UNC5D: variants seen among roughly 807,000 people sequenced by gnomAD.
UNC5D encodes netrin receptor UNC5D.
UNC5D carries 39 observed loss-of-function variants against 105.4 expected under a neutral mutation model. That is an observed-to-expected ratio of 0.37 (90% CI 0.29 to 0.48). UNC5D has a LOEUF of 0.48. UNC5D is among the 20% of genes least tolerant of loss of function. The probability of loss-of-function intolerance (pLI) is 0.98; values close to 1 mark genes in which losing one functional copy is unlikely to be tolerated. For missense variants in UNC5D, 991 were observed against 1,202.4 expected (o/e 0.82, Z 2.60); for synonymous variants, 452 against 450.4 (o/e 1.00, Z -0.04).
At chr8:35,238,230 G>A (rs759208565) in intron 1 of UNC5D, among the ~76,000 whole-genome samples, 6 of 152,066 alleles carry the variant, frequency 3.9e-5, no homozygotes, top group Non-Finnish European at 8.8e-5. Context: ...CAAAATGATT[G>A]CACCAACTTT....
rs528965045 is a variant in UNC5D, at chr8:35,407,813, A to T, written c.104-141479A>T. Among the ~76,000 whole-genome samples the T allele has an allele frequency of 2.6e-5, 4 of 152,194 alleles. No homozygotes were observed. In the South Asian group the frequency reaches 8.3e-4, roughly 32 times the overall value. On this transcript the variant is annotated intron_variant, in intron 1 of 16. Transcript: ENST00000404895. ...GTATTTGGTTTTCTGTTTCTGTGTT[A>T]GTTTGCTAAGGATAATGGCCTCCAA...
chr8:35,401,421 T>A (rs1804453978), intron 1 of UNC5D, among the ~76,000 whole-genome samples: 1 of 152,070 alleles, frequency 6.6e-6, no homozygotes, highest in South Asian at 2.1e-4. Context: ...GTGGCAGAGG[T>A]TGCAGTGAGC....
intron 7 of UNC5D, among the ~76,000 whole-genome samples, chr8:35,688,707 T>A (rs889051049): frequency 6.6e-6 from 1 of 152,248 alleles, no homozygotes; most frequent in African/African-American, 2.4e-5. Context: ...TAAAGAAATG[T>A]GCTTCTCACC....
intron 1 of UNC5D, among the ~76,000 whole-genome samples, chr8:35,460,352 C>T (rs1450977176): frequency 6.6e-6 from 1 of 152,092 alleles, no homozygotes; most frequent in Non-Finnish European, 1.5e-5. Flanking sequence ...GTGGAGCCAA[C>T]TCAGGAATCC....
At position 35,549,486 on chromosome 8, in the gene UNC5D, G is replaced by A. The variant is rs755306874; in HGVS notation, c.298G>A (p.Glu100Lys). The A allele has an allele frequency of 2.5e-6, 4 of 1,612,088 alleles. No homozygotes were observed. Among genetic ancestry groups the A allele is most frequent in the Non-Finnish European group, 2.5e-6 (3 of 1,179,850 alleles). Residue 100 changes from glutamate to lysine, a missense_variant, in exon 2 of 17, where the codon GAA becomes AAA. By Grantham distance (56) the Glu-to-Lys change is moderately conservative. Transcript: ENST00000404895. ...GGTCCATCAGAACGAGCACGTCTCT[G>A]AAGAGACTCTGGACGAGAGCTCAGG... ...EWVHQNEHVS[E>K]ETLDESSGLK...
intron 1 of UNC5D, among the ~76,000 whole-genome samples, chr8:35,492,012 G>A: frequency 6.6e-6 from 1 of 151,972 alleles, no homozygotes; most frequent in East Asian, 1.9e-4. Context: ...TTTGCATGGA[G>A]CAGTTCTCCA....
chr8:35,265,901 A>ATC (rs1563262455), intron 1 of UNC5D, among the ~76,000 whole-genome samples: 1 of 148,106 alleles, frequency 6.8e-6, no homozygotes, highest in African/African-American at 2.5e-5. Flanking sequence ...TAATAATAAT[A>ATC]ATAATATATC....
chr8:35,473,281 A>T (rs1014798949), intron 1 of UNC5D, among the ~76,000 whole-genome samples: 1 of 152,170 alleles, frequency 6.6e-6, no homozygotes, highest in African/African-American at 2.4e-5. Flanking sequence ...AGAGACAGTT[A>T]AAAAAGGCTA....
At chr8:35,446,836 T>TA (rs1471402363) in intron 1 of UNC5D, among the ~76,000 whole-genome samples, 1 of 152,146 alleles carries the variant, frequency 6.6e-6, no homozygotes, top group Non-Finnish European at 1.5e-5. Flanking sequence ...ACTCCTTCCC[T>TA]AACAGAATCT....
At chr8:35,307,102 T>G (rs1280062572) in intron 1 of UNC5D, among the ~76,000 whole-genome samples, 1 of 143,956 alleles carries the variant, frequency 6.9e-6, no homozygotes, top group Non-Finnish European at 1.5e-5. Flanking sequence ...ACACTACTGA[T>G]AGCTGATGAG....
intron 11 of UNC5D, among the ~76,000 whole-genome samples, chr8:35,744,936 C>G (rs1407169956): frequency 6.6e-6 from 1 of 151,962 alleles, no homozygotes. Flanking sequence ...GCCTATAATC[C>G]CAGCTACTTG....
intron 1 of UNC5D, among the ~76,000 whole-genome samples, chr8:35,503,158 G>T (rs987893199): frequency 6.6e-6 from 1 of 152,194 alleles, no homozygotes; most frequent in Non-Finnish European, 1.5e-5. Context: ...GGGACTCAAA[G>T]TGTGTGGCTG....
chr8:35,539,157 T>A lies in UNC5D; in HGVS notation c.104-10135T>A, dbSNP rs1022866882. Among the ~76,000 whole-genome samples the A allele has an allele frequency of 2.0e-5, 3 of 152,240 alleles. No homozygotes were observed. In the South Asian group the frequency reaches 6.2e-4, roughly 32 times the overall value. ...TACAAATATATGTGTGTTCTATGTA[T>A]ACAAAACCAAAATATTAAGTATACA... On this transcript the variant is annotated intron_variant, in intron 1 of 16. Transcript: ENST00000404895.
intron 1 of UNC5D, among the ~76,000 whole-genome samples, chr8:35,274,422 A>G (rs1251143347): frequency 6.6e-6 from 1 of 152,194 alleles, no homozygotes; most frequent in Non-Finnish European, 1.5e-5. Context: ...GCCAGATTGT[A>G]TTTGTAACCT....
chr8:35,597,560 G>A (rs905371296), intron 4 of UNC5D, among the ~76,000 whole-genome samples: 1 of 152,152 alleles, frequency 6.6e-6, no homozygotes, highest in African/African-American at 2.4e-5. Flanking sequence ...AGCTGTGTGA[G>A]TGTCCCCTGG....
At chr8:35,439,228 T>TG (rs1807237524) in intron 1 of UNC5D, among the ~76,000 whole-genome samples, 1 of 152,016 alleles carries the variant, frequency 6.6e-6, no homozygotes, top group Non-Finnish European at 1.5e-5. Context: ...TGTCTGTGTA[T>TG]GATGCCTGCA....
At chr8:35,741,424 G>A (rs1377721150) in intron 11 of UNC5D, among the ~76,000 whole-genome samples, 2 of 151,612 alleles carry the variant, frequency 1.3e-5, no homozygotes, top group Non-Finnish European at 1.5e-5. Flanking sequence ...ACATCCATAT[G>A]CTTCTATCCT....
chr8:35,270,538 A>G (rs1051532484), intron 1 of UNC5D, among the ~76,000 whole-genome samples: 1 of 152,204 alleles, frequency 6.6e-6, no homozygotes, highest in African/African-American at 2.4e-5. Context: ...TTAATAAACA[A>G]TAATGATAAT....
In UNC5D at chr8:35,726,368, C is replaced by T. The variant is rs1051399058; in HGVS notation, c.1520C>T (p.Ser507Phe). 1 of 1,614,070 alleles carries T rather than the reference C, an allele frequency of 6.2e-7. No individual in the cohort carries two copies. Among genetic ancestry groups the T allele is most frequent in the Admixed American group, 1.7e-5 (1 of 59,998 alleles). ...GCTGAGTACCACGGCAAGAATCATT[C>T]CAGGACTTTTCCCCATGGAAACAAC... is the stretch of plus-strand genomic sequence containing the variant. ...ERAEYHGKNH[S>F]RTFPHGNNHS... The change falls in exon 10 of 17, where the codon TCC becomes TTC. Residue 507 changes from serine to phenylalanine, a missense_variant. By Grantham distance (155) the Ser-to-Phe change is radical. Coordinates refer to ENST00000404895, the MANE Select transcript of UNC5D (RefSeq NM_080872.4).
Sources: allele counts gnomAD v4.1 joint callset (sites outside exome capture counted in the v4.1 genomes callset), GRCh38; gene constraint gnomAD v4.1.1; transcripts MANE v1.5; gene names NCBI Gene and HGNC (gene_info 2026-07-23, HGNC 2026-07-21).